TDRD3: variants seen among roughly 807,000 people sequenced by gnomAD.
The protein encoded by TDRD3 is tudor domain-containing protein 3.
In TDRD3, 45 loss-of-function variants were observed where a neutral mutation model predicts 86.7. The observed-to-expected ratio is 0.52, with a 90% confidence interval of 0.41 to 0.67. The LOEUF (loss-of-function observed/expected upper bound fraction) is 0.67, where lower values mean the gene tolerates loss of function less well. Ranked by LOEUF, TDRD3 falls within the 30% of genes least tolerant of loss-of-function variation. The pLI, the probability that TDRD3 is intolerant of heterozygous loss-of-function variation, is 0.00. For synonymous variants in TDRD3, 298 were observed against 301.7 expected, an observed-to-expected ratio of 0.99 and a Z score of 0.13; for missense variants, 814 against 889.0, an observed-to-expected ratio of 0.92 and a Z score of 1.07.
Position 60,439,758 on chromosome 13 carries a change from CTG to C in TDRD3, c.113_114del (p.Leu38HisfsTer18). The C allele has an allele frequency of 6.5e-7, 1 of 1,538,594 alleles. No homozygotes were observed. The highest frequency in any genetic ancestry group is 8.8e-7 in the Non-Finnish European group (1 of 1,142,174). ...PDKVNVNDIILIALNTDLRTI... is the reference protein window; with the variant it reads ...PDKVNVNDIIXIALNTDLRTI... ...CAAAGTCAATGTAAATGACATCATCCTGATTGCTCTCAATGTAGGTTATATTT... is the reference window on the plus strand; with the variant it reads ...CAAAGTCAATGTAAATGACATCATCCATTGCTCTCAATGTAGGTTATATTT... On this transcript the variant is annotated frameshift_variant, in exon 2 of 14. Transcript: ENST00000377881. LOFTEE classifies it high-confidence loss of function.
chr13:60,437,251 C>T (rs1295633100), intron 1 of TDRD3, among the ~76,000 whole-genome samples: 1 of 151,144 alleles, frequency 6.6e-6, no homozygotes, highest in African/African-American at 2.4e-5. Context: ...CTCAGCCTCC[C>T]GAGTAGCTGT....
chr13:60,505,466 T>C (rs889902209), intron 8 of TDRD3, among the ~76,000 whole-genome samples: 1 of 152,196 alleles, frequency 6.6e-6, no homozygotes, highest in African/African-American at 2.4e-5. Context: ...AAAACTCCCA[T>C]GTCCCTGGGA....
intron 4 of TDRD3, among the ~76,000 whole-genome samples, chr13:60,461,346 G>A (rs1358088042): frequency 6.6e-6 from 1 of 152,082 alleles, no homozygotes; most frequent in Non-Finnish European, 1.5e-5. Flanking sequence ...CCCTTTGTTT[G>A]GTTATTTTAA....
chr13:60,559,230 A>G (rs1269847215), intron 12 of TDRD3, among the ~76,000 whole-genome samples: 3 of 152,170 alleles, frequency 2.0e-5, no homozygotes, highest in African/African-American at 7.2e-5. Flanking sequence ...TATAATCTAT[A>G]TGAGAAAACG....
chr13:60,567,697 T>G, intron 13 of TDRD3, 47 bp downstream of exon 13: 4 of 1,598,406 alleles, frequency 2.5e-6, no homozygotes, highest in Non-Finnish European at 3.4e-6. Flanking sequence ...AAAGATGAAA[T>G]TCATGTTAAG....
upstream of TDRD3, among the ~76,000 whole-genome samples, chr13:60,395,894 T>A (rs949234081): frequency 2.0e-5 from 3 of 152,248 alleles, no homozygotes; most frequent in Non-Finnish European, 2.9e-5. Flanking sequence ...GAGCTACTTG[T>A]GATCTAAAAT....
At chr13:60,419,443 T>C (rs1954603645) in intron 1 of TDRD3, among the ~76,000 whole-genome samples, 2 of 152,208 alleles carry the variant, frequency 1.3e-5, no homozygotes, top group Admixed American at 6.5e-5. Flanking sequence ...TGGAATACTA[T>C]GCAGCCATAA....
intron 11 of TDRD3, among the ~76,000 whole-genome samples, chr13:60,530,717 A>C (rs778195113): frequency 4.6e-5 from 7 of 151,856 alleles, no homozygotes; most frequent in Non-Finnish European, 8.8e-5. Flanking sequence ...GGCGTCCTAA[A>C]GTGCTGGGAT....
At chr13:60,516,380 A>C (rs1378853041) in intron 10 of TDRD3, among the ~76,000 whole-genome samples, 1 of 152,216 alleles carries the variant, frequency 6.6e-6, no homozygotes, top group East Asian at 1.9e-4. Flanking sequence ...TTTTCTTAGA[A>C]ATTTTTCTCA....
chr13:60,451,883 A>G (rs1234145415), intron 3 of TDRD3, among the ~76,000 whole-genome samples: 7 of 152,166 alleles, frequency 4.6e-5, no homozygotes, highest in Non-Finnish European at 8.8e-5. Context: ...ACTCTTAAAA[A>G]TATCATGTTG....
chr13:60,396,093 T>C (rs970493430), upstream of TDRD3, among the ~76,000 whole-genome samples: 3 of 152,106 alleles, frequency 2.0e-5, no homozygotes, highest in Non-Finnish European at 4.4e-5. Context: ...GCCAATTTCC[T>C]CCCCAATCCC....
intron 12 of TDRD3, among the ~76,000 whole-genome samples, chr13:60,566,302 A>G (rs1199509070): frequency 6.6e-6 from 1 of 152,018 alleles, no homozygotes; most frequent in Admixed American, 6.6e-5. Flanking sequence ...GATGTCTAAA[A>G]TGAGAATTAT....
intron 1 of TDRD3, among the ~76,000 whole-genome samples, chr13:60,408,491 G>A (rs1954285840): frequency 6.6e-6 from 1 of 152,158 alleles, no homozygotes; most frequent in Non-Finnish European, 1.5e-5. Flanking sequence ...TGCCCAAAAT[G>A]CTGATAGTGA....
At chr13:60,483,353 C>A (rs1048033009) in intron 5 of TDRD3, among the ~76,000 whole-genome samples, 3 of 152,056 alleles carry the variant, frequency 2.0e-5, no homozygotes, top group Non-Finnish European at 4.4e-5. Context: ...AATTAGAAAT[C>A]ACCCTTATGT....
chr13:60,430,843 GTTGT>G (rs1406150510), intron 1 of TDRD3, among the ~76,000 whole-genome samples: 1 of 151,964 alleles, frequency 6.6e-6, no homozygotes, highest in Non-Finnish European at 1.5e-5. Context: ...ATAGAAGTTT[GTTGT>G]TTATTACCTA....
At chr13:60,478,681 A>G (rs991839064) in intron 5 of TDRD3, among the ~76,000 whole-genome samples, 1 of 151,714 alleles carries the variant, frequency 6.6e-6, no homozygotes, top group Non-Finnish European at 1.5e-5. Context: ...GGATTTTGGC[A>G]TCTCATTTTC....
At chr13:60,560,137 T>G (rs1360918464) in intron 12 of TDRD3, among the ~76,000 whole-genome samples, 4 of 152,260 alleles carry the variant, frequency 2.6e-5, no homozygotes, top group African/African-American at 9.6e-5. Context: ...TACCGTATGA[T>G]GCAATGAAAA....
chr13:60,450,806 G>A (rs1346109903), intron 3 of TDRD3, among the ~76,000 whole-genome samples: 1 of 152,098 alleles, frequency 6.6e-6, no homozygotes, highest in African/African-American at 2.4e-5. Context: ...CAATAAAGGG[G>A]CAGCTGTTTC....
chr13:60,428,572 G>C (rs911720626), intron 1 of TDRD3, among the ~76,000 whole-genome samples: 1 of 152,140 alleles, frequency 6.6e-6, no homozygotes, highest in Admixed American at 6.5e-5. Context: ...TAGTGCAGTG[G>C]GGGTACAGAA....
Sources: allele counts gnomAD v4.1 joint callset (sites outside exome capture counted in the v4.1 genomes callset), GRCh38; gene constraint gnomAD v4.1.1; transcripts MANE v1.5; gene names NCBI Gene and HGNC (gene_info 2026-07-23, HGNC 2026-07-21).